The following GALNT13 variants were observed in gnomAD, a reference collection of about 807,000 sequenced individuals.
The protein encoded by GALNT13 is UDP-GalNAc:polypeptide N-acetylgalactosaminyltransferase 13.
Under a neutral mutation model 64.2 loss-of-function variants are expected in GALNT13, and 28 were observed. The observed-to-expected ratio is 0.44, with a 90% confidence interval of 0.32 to 0.60. The LOEUF is 0.60. Ranked by LOEUF, GALNT13 falls within the 20% of genes least tolerant of loss-of-function variation. The probability of loss-of-function intolerance (pLI) is 0.05; values close to 1 mark genes in which losing one functional copy is unlikely to be tolerated. For missense variants in GALNT13, 577 were observed against 669.8 expected, an observed-to-expected ratio of 0.86 and a Z score of 1.53; for synonymous variants, 214 against 224.6, an observed-to-expected ratio of 0.95 and a Z score of 0.42.
chr2:153,140,350 G>C, the GALNT13 span, among the ~76,000 whole-genome samples: 1 of 151,966 alleles, frequency 6.6e-6, no homozygotes, highest in African/African-American at 2.4e-5. Context: ...AGATGACCTT[G>C]GAGAAAGGAA....
intron 2 of GALNT13, among the ~76,000 whole-genome samples, chr2:153,914,059 A>T (rs1159521240): frequency 2.0e-5 from 3 of 152,172 alleles, no homozygotes; most frequent in Non-Finnish European, 4.4e-5. Flanking sequence ...TGAATTTTCT[A>T]TGTAAACATC....
chr2:153,587,380 A>T, the GALNT13 span, among the ~76,000 whole-genome samples: 1 of 152,194 alleles, frequency 6.6e-6, no homozygotes. Flanking sequence ...ACCACTGATA[A>T]AAACATACCT....
the GALNT13 span, among the ~76,000 whole-genome samples, chr2:153,659,964 A>G: frequency 6.6e-6 from 1 of 152,146 alleles, no homozygotes; most frequent in Non-Finnish European, 1.5e-5. Flanking sequence ...TCATCTATTA[A>G]AAATGCTGGT....
chr2:153,720,517 T>G, the GALNT13 span, among the ~76,000 whole-genome samples: 38 of 151,008 alleles, frequency 2.5e-4, 1 homozygote, highest in East Asian at 2.5e-3. Flanking sequence ...TACTCTGAGC[T>G]ACGGGAGGAC....
intron 7 of GALNT13, among the ~76,000 whole-genome samples, chr2:154,246,686 C>G (rs1252264147): frequency 6.6e-6 from 1 of 152,018 alleles, no homozygotes. Flanking sequence ...GAAGTATTCA[C>G]TAGTTTAGTT....
the GALNT13 span, among the ~76,000 whole-genome samples, chr2:153,831,773 G>C: frequency 6.6e-6 from 1 of 152,100 alleles, no homozygotes; most frequent in African/African-American, 2.4e-5. Context: ...TCCTGATTGG[G>C]TTCATTTGCT....
intron 9 of GALNT13, among the ~76,000 whole-genome samples, chr2:154,340,560 G>A (rs1695703971): frequency 6.6e-6 from 1 of 151,812 alleles, no homozygotes; most frequent in African/African-American, 2.4e-5. Context: ...ATATATTGCT[G>A]TTGATGGTAA....
At chr2:153,136,538 C>A in the GALNT13 span, among the ~76,000 whole-genome samples, 1 of 151,856 alleles carries the variant, frequency 6.6e-6, no homozygotes, top group South Asian at 2.1e-4. Flanking sequence ...AGTACACTCA[C>A]CAGCAAGGCA....
At chr2:154,091,282 A>G (rs1327587064) in intron 3 of GALNT13, among the ~76,000 whole-genome samples, 1 of 151,964 alleles carries the variant, frequency 6.6e-6, no homozygotes, top group Non-Finnish European at 1.5e-5. Flanking sequence ...TTGTATAGCC[A>G]TATAAGGAAA....
the GALNT13 span, among the ~76,000 whole-genome samples, chr2:153,106,435 T>C: frequency 6.6e-6 from 1 of 152,120 alleles, no homozygotes. Context: ...AGTACCATGC[T>C]TTCCATCATG....
At chr2:153,257,108 C>A in the GALNT13 span, among the ~76,000 whole-genome samples, 11 of 152,192 alleles carry the variant, frequency 7.2e-5, no homozygotes, top group African/African-American at 2.4e-4. Flanking sequence ...AGTGAGACTC[C>A]CTGGGCGTAG....
intron 4 of GALNT13, among the ~76,000 whole-genome samples, chr2:154,227,670 T>C (rs1216698052): frequency 6.6e-6 from 1 of 151,138 alleles, no homozygotes; most frequent in Non-Finnish European, 1.5e-5. Flanking sequence ...TCATCCTTTT[T>C]TGTGGCTGCA....
the GALNT13 span, among the ~76,000 whole-genome samples, chr2:153,760,740 A>G: frequency 1.1e-3 from 174 of 152,248 alleles, no homozygotes; most frequent in African/African-American, 4.0e-3. Flanking sequence ...TGTCTATTAC[A>G]TCCGTTTGGT....
chr2:153,211,762 T>A, the GALNT13 span, among the ~76,000 whole-genome samples: 1 of 152,120 alleles, frequency 6.6e-6, no homozygotes, highest in African/African-American at 2.4e-5. Context: ...CACTAAAGCT[T>A]GGGAAGCACT....
intron 2 of GALNT13, among the ~76,000 whole-genome samples, chr2:153,942,022 A>G (rs1691371171): frequency 6.6e-6 from 1 of 152,212 alleles, no homozygotes; most frequent in Non-Finnish European, 1.5e-5. Flanking sequence ...TAAATTCTCA[A>G]TAACCTCAAC....
At chr2:153,563,991 G>A in the GALNT13 span, among the ~76,000 whole-genome samples, 1 of 151,894 alleles carries the variant, frequency 6.6e-6, no homozygotes, top group Non-Finnish European at 1.5e-5. Flanking sequence ...CTCCGCTTTC[G>A]TGTGTGAATT....
chr2:153,865,379 C>G, the GALNT13 span, among the ~76,000 whole-genome samples: 7 of 135,350 alleles, frequency 5.2e-5, no homozygotes, highest in Non-Finnish European at 1.1e-4. Flanking sequence ...AGGCAACCTA[C>G]AAAATGGGAG....
At chr2:153,639,007 C>G in the GALNT13 span, among the ~76,000 whole-genome samples, 1 of 151,828 alleles carries the variant, frequency 6.6e-6, no homozygotes, top group Non-Finnish European at 1.5e-5. Flanking sequence ...TGTTCAGTTG[C>G]ATAGGTCTAG....
chr2:154,129,128 T>C (rs1682465427), intron 3 of GALNT13, among the ~76,000 whole-genome samples: 1 of 152,160 alleles, frequency 6.6e-6, no homozygotes, highest in Admixed American at 6.5e-5. Flanking sequence ...AATCAAATTG[T>C]ACTTTTAGGA....
Sources: gnomAD v4.1 joint callset for allele counts (sites outside exome capture counted in the v4.1 genomes callset) on GRCh38, gnomAD v4.1.1 for gene constraint, MANE v1.5 for transcripts, NCBI Gene and HGNC (gene_info 2026-07-23, HGNC 2026-07-21) for gene names.